RORA: variants seen among roughly 807,000 people sequenced by gnomAD.
RORA encodes RAR related orphan receptor A.
Under a neutral mutation model 69.5 loss-of-function variants are expected in RORA, and 7 were observed. That is an observed-to-expected ratio of 0.10 (90% CI 0.06 to 0.19). The LOEUF (loss-of-function observed/expected upper bound fraction) is 0.19. RORA is among the 10% of genes least tolerant of loss of function. The pLI is 1.00. For synonymous variants in RORA, 261 were observed against 240.8 expected (o/e 1.08, Z -0.78); for missense variants, 457 against 663.0 (o/e 0.69, Z 3.41).
chr15:60,492,781 T>C lies in RORA; in HGVS notation c.*4674A>G, dbSNP rs1046174675. 3 of 152,200 alleles carry C rather than the reference T, an allele frequency of 2.0e-5. No individual in the cohort carries two copies. The highest frequency in any genetic ancestry group is 4.1e-4 in the South Asian group (2 of 4,828). The allele number at this position is 152,200 out of a possible 1,614,324, so 9.4% of individuals were successfully genotyped here. A position where few individuals can be genotyped will look rare whatever the true frequency, so the allele number is the denominator to read the frequency against. On this transcript the variant is annotated 3_prime_UTR_variant, in exon 11 of 11. Coordinates refer to ENST00000335670, the MANE Select transcript of RORA (RefSeq NM_134261.3). ...TGGCATAACTTTGCTTTGGAAGTTA[T>C]TCAGTGTTTTGAAACACAAGACTGA...
intron 1 of RORA, among the ~76,000 whole-genome samples, chr15:60,753,326 C>T (rs970807880): frequency 3.9e-5 from 6 of 152,242 alleles, no homozygotes; most frequent in African/African-American, 1.2e-4. Context: ...TTCACCCATC[C>T]GTTCATTCTG....
chr15:60,863,199 C>CACAG (rs1170622564), intron 1 of RORA, among the ~76,000 whole-genome samples: 11 of 152,190 alleles, frequency 7.2e-5, no homozygotes, highest in African/African-American at 1.2e-4. Flanking sequence ...AACTACTGGA[C>CACAG]ACAGCACAGA....
intron 1 of RORA, among the ~76,000 whole-genome samples, chr15:60,837,278 T>C (rs1037425484): frequency 1.3e-5 from 2 of 152,176 alleles, no homozygotes; most frequent in African/African-American, 2.4e-5. Context: ...TTCCTATGTT[T>C]GTGTCAATAT....
At chr15:61,016,594 G>C (rs910368236) in intron 1 of RORA, among the ~76,000 whole-genome samples, 1 of 152,236 alleles carries the variant, frequency 6.6e-6, no homozygotes, top group East Asian at 1.9e-4. Flanking sequence ...TGTGTTCTAC[G>C]AGCTTTGGGT....
intron 2 of RORA, among the ~76,000 whole-genome samples, chr15:60,538,795 C>T (rs926965821): frequency 3.9e-5 from 6 of 152,012 alleles, no homozygotes; most frequent in African/African-American, 1.4e-4. Context: ...ATGTCACCCT[C>T]TGACAGACAT....
rs148665076 is a variant in RORA, at chr15:60,688,071, C to A, written c.167-9385G>T. Among the ~76,000 whole-genome samples, 296 of 152,150 alleles carry A rather than the reference C, an allele frequency of 1.9e-3. 2 individuals are homozygous for A. The highest frequency in any genetic ancestry group is 6.9e-3 in the African/African-American group (286 of 41,504). On this transcript the variant is annotated intron_variant, in intron 1 of 10. Coordinates refer to ENST00000335670, the MANE Select transcript of RORA (RefSeq NM_134261.3). Reference sequence around the variant, plus strand: ...CATAATATTATTTATATCAGCAAAACATTCAAGGGAACACCCAAATATTAG... The same window carrying A: ...CATAATATTATTTATATCAGCAAAAAATTCAAGGGAACACCCAAATATTAG...
At chr15:60,501,206 G>T in intron 8 of RORA, 137 bp from the exon 9 acceptor site, 2 of 606,972 alleles carry the variant, frequency 3.3e-6, no homozygotes, top group South Asian at 2.2e-5. Flanking sequence ...GGTGAAGAGA[G>T]ATCTAGTGGT....
At chr15:60,719,767 G>C (rs1473983842) in intron 1 of RORA, among the ~76,000 whole-genome samples, 2 of 152,184 alleles carry the variant, frequency 1.3e-5, no homozygotes, top group African/African-American at 4.8e-5. Context: ...CCTTTGAAAA[G>C]TCAGCTTGTT....
chr15:60,882,617 C>A (rs1013230325), intron 1 of RORA, among the ~76,000 whole-genome samples: 1 of 145,170 alleles, frequency 6.9e-6, no homozygotes, highest in Non-Finnish European at 1.5e-5. Context: ...AAGGACTTAC[C>A]CTTTAGATGG....
chr15:60,934,819 A>T (rs1330077114), intron 1 of RORA, among the ~76,000 whole-genome samples: 2 of 152,192 alleles, frequency 1.3e-5, no homozygotes, highest in African/African-American at 4.8e-5. Context: ...GCTCTGCTCC[A>T]TTACAATCTG....
chr15:60,550,525 G>GA (rs1177535393), intron 2 of RORA, among the ~76,000 whole-genome samples: 17 of 152,162 alleles, frequency 1.1e-4, no homozygotes, highest in African/African-American at 4.1e-4. Flanking sequence ...AAATATCAAT[G>GA]AAAGTGTTAC....
chr15:60,961,891 A>G (rs1277020502), intron 1 of RORA, among the ~76,000 whole-genome samples: 1 of 152,198 alleles, frequency 6.6e-6, no homozygotes, highest in Non-Finnish European at 1.5e-5. Flanking sequence ...CAGGCACCAC[A>G]TGCGCTGGGT....
chr15:61,149,455 T>G (rs374371157), intron 1 of RORA, among the ~76,000 whole-genome samples: 1 of 133,066 alleles, frequency 7.5e-6, no homozygotes, highest in East Asian at 2.1e-4. Flanking sequence ...AGAAGTTACT[T>G]CAGCGGTTAA....
At chr15:60,958,266 T>G (rs998588906) in intron 1 of RORA, among the ~76,000 whole-genome samples, 1 of 152,202 alleles carries the variant, frequency 6.6e-6, no homozygotes, top group Non-Finnish European at 1.5e-5. Flanking sequence ...TACCTGAGCC[T>G]TTGCGTGCAT....
intron 1 of RORA, among the ~76,000 whole-genome samples, chr15:60,922,075 A>G (rs1366843747): frequency 6.6e-6 from 1 of 152,168 alleles, no homozygotes; most frequent in Non-Finnish European, 1.5e-5. Context: ...CTACAGATAT[A>G]TGCTTGTTTT....
intron 1 of RORA, among the ~76,000 whole-genome samples, chr15:61,043,627 C>A (rs1896885653): frequency 6.6e-6 from 1 of 152,148 alleles, no homozygotes; most frequent in Admixed American, 6.5e-5. Flanking sequence ...GGGTTTATGC[C>A]TGTCATACAG....
At chr15:60,997,997 C>T (rs573560715) in intron 1 of RORA, among the ~76,000 whole-genome samples, 2 of 152,292 alleles carry the variant, frequency 1.3e-5, no homozygotes, top group East Asian at 1.9e-4. Context: ...CACGATGCTC[C>T]GGTGAAGATG....
rs1009854773 is a variant in RORA at position 60,488,648 on chromosome 15, A to G, written c.*8807T>C. On this transcript the variant is annotated 3_prime_UTR_variant, in exon 11 of 11. Transcript: ENST00000335670. ...AGATCATTAGCAAAGTTTTAGTTCA[A>G]TACTAGTTTTAGGATTCCCATAAAT... 2.6e-5 allele frequency: 4 copies of G among 152,374 alleles called. No homozygotes were observed. Among genetic ancestry groups the G allele is most frequent in the African/African-American group, 9.6e-5 (4 of 41,588 alleles). 9.4% of individuals were successfully genotyped at this position (152,374 alleles called of 1,614,324 possible). A position where few individuals can be genotyped will look rare whatever the true frequency, so the allele number is the denominator to read the frequency against.
At chr15:60,669,348 T>C (rs1176850628) in intron 2 of RORA, among the ~76,000 whole-genome samples, 1 of 145,712 alleles carries the variant, frequency 6.9e-6, no homozygotes, top group African/African-American at 2.6e-5. Context: ...TTTTTGTTTG[T>C]TTGTTTGTTT....
Sources: gnomAD v4.1 joint callset for allele counts (sites outside exome capture counted in the v4.1 genomes callset) on GRCh38, gnomAD v4.1.1 for gene constraint, MANE v1.5 for transcripts, NCBI Gene and HGNC (gene_info 2026-07-23, HGNC 2026-07-21) for gene names.